Variants in FMO3 observed in about 807,000 individuals in gnomAD.
FMO3 encodes the protein flavin containing dimethylaniline monoxygenase 3.
A neutral mutation model predicts 39.4 loss-of-function variants in FMO3; 40 were observed. The ratio of observed to expected loss-of-function variants is 1.02; its 90% CI spans 0.79 to 1.32. The LOEUF (loss-of-function observed/expected upper bound fraction) is 1.32. FMO3 is among the 40% of genes most tolerant of loss of function. FMO3 has a pLI of 0.00. For missense variants in FMO3, 680 were observed against 651.8 expected, an observed-to-expected ratio of 1.04 and a Z score of -0.47; for synonymous variants, 219 against 228.8, an observed-to-expected ratio of 0.96 and a Z score of 0.39.
At chr1:171,104,263 T>C (rs1655541254) in intron 3 of FMO3, among the ~76,000 whole-genome samples, 2 of 152,172 alleles carry the variant, frequency 1.3e-5, no homozygotes, top group African/African-American at 2.4e-5. Flanking sequence ...AAACTCTTTT[T>C]ATCTAAATAA....
chr1:171,098,416 C>T (rs1655205212), intron 2 of FMO3, among the ~76,000 whole-genome samples: 1 of 152,286 alleles, frequency 6.6e-6, no homozygotes, highest in Admixed American at 6.5e-5. Context: ...TTCTTCCTAT[C>T]CATGAGCATG....
chr1:171,096,957 C>A (rs1463971341), intron 2 of FMO3, among the ~76,000 whole-genome samples: 2 of 150,376 alleles, frequency 1.3e-5, no homozygotes, highest in East Asian at 3.9e-4. Context: ...CGCCCCACAA[C>A]AGGCCCCAGT....
rs1557932869 is a variant in FMO3, at chr1:171,096,012, C to CATATTATATATTAATATATAATAT, written c.132+3234_132+3257dup. Among the ~76,000 whole-genome samples the CATATTATATATTAATATATAATAT allele has an allele frequency of 2.1e-4, 6 of 28,768 alleles. No homozygotes were observed. In the East Asian group the frequency reaches 2.7e-3, roughly 13 times the overall value. 18.9% of individuals were successfully genotyped at this position (28,768 alleles called of 152,430 possible). A position where few individuals can be genotyped will look rare whatever the true frequency, so the allele number is the denominator to read the frequency against. On this transcript the variant is annotated intron_variant, in intron 2 of 8. Transcript: ENST00000367755. ...TTATATATTTTTATATATTAATATA[C>CATATTATATATTAATATATAATAT]ATATTATATATTAATATATAATATA...
chr1:171,101,930 G>T, intron 2 of FMO3: 1 of 350,042 alleles, frequency 2.9e-6, no homozygotes, highest in Non-Finnish European at 5.6e-6. Flanking sequence ...ATTTTTTTCT[G>T]GACTATGTAT....
At chr1:171,096,101 ATAAT>A (rs1208716857) in intron 2 of FMO3, among the ~76,000 whole-genome samples, 26 of 47,490 alleles carry the variant, frequency 5.5e-4, no homozygotes, top group East Asian at 1.2e-3. Context: ...ATATTTTTAT[ATAAT>A]TAATTATTAT....
chr1:171,104,162 G>C (rs1655536648), intron 3 of FMO3, among the ~76,000 whole-genome samples, 189 bp downstream of exon 3: 1 of 152,002 alleles, frequency 6.6e-6, no homozygotes, highest in Non-Finnish European at 1.5e-5. Flanking sequence ...CACAAAATTT[G>C]ACCACCTACA....
intron 2 of FMO3, among the ~76,000 whole-genome samples, chr1:171,096,666 ATATATTTTATATTTAAAATATAAT>A (rs1389049045): frequency 3.3e-5 from 3 of 90,740 alleles, no homozygotes; most frequent in Non-Finnish European, 7.1e-5. Context: ...TATTTAAAAT[ATATATTTTATATTTAAAATATAAT>A]TAATATAATT....
intron 2 of FMO3, among the ~76,000 whole-genome samples, chr1:171,098,156 G>T (rs534957565): frequency 5.2e-4 from 79 of 152,242 alleles, no homozygotes; most frequent in African/African-American, 1.9e-3. Flanking sequence ...TTATATCTCT[G>T]TTTTGGTACC....
chr1:171,107,397 G>A (rs1655691212), intron 3 of FMO3, among the ~76,000 whole-genome samples: 1 of 152,122 alleles, frequency 6.6e-6, no homozygotes, highest in Middle Eastern at 3.2e-3. Flanking sequence ...TATATGTGAT[G>A]TGCACCTCTT....
intron 5 of FMO3, among the ~76,000 whole-genome samples, chr1:171,110,401 G>A (rs1655850966): frequency 2.0e-5 from 3 of 152,118 alleles, no homozygotes; most frequent in Admixed American, 6.6e-5. Context: ...TGACAGGGTG[G>A]CTGACCCTAA....
At chr1:171,111,245 T>TA (rs1655897233) in intron 6 of FMO3, among the ~76,000 whole-genome samples, 1 of 152,196 alleles carries the variant, frequency 6.6e-6, no homozygotes, top group South Asian at 2.1e-4. Flanking sequence ...AGTTAACCTC[T>TA]TTTAAGCATT....
intron 2 of FMO3, among the ~76,000 whole-genome samples, chr1:171,096,725 TAA>T (rs1197900478): frequency 7.2e-6 from 1 of 139,504 alleles, no homozygotes; most frequent in Non-Finnish European, 1.5e-5. Context: ...ATAATTATAT[TAA>T]AAATATATAT....
intron 2 of FMO3, among the ~76,000 whole-genome samples, chr1:171,096,036 T>TATATTATATATTAATAG: frequency 1.5e-5 from 1 of 65,798 alleles, no homozygotes; most frequent in Non-Finnish European, 2.4e-5. Context: ...ATATATAATA[T>TATATTATATATTAATAG]ATATTATATA....
rs1655736970 is a variant in FMO3 at position 171,108,177 on chromosome 1, T to C, written c.583T>C (p.Ser195Pro). ...KRVLVVGLGN[S>P]GCDIATELSR... ...TGTCCTGGTGGTTGGCCTGGGGAAT[T>C]CGGGCTGTGATATTGCCACAGAACT... Residue 195 changes from serine to proline, a missense_variant, in exon 5 of 9, where the codon TCG (serine) becomes CCG (proline). Physicochemically the swap from Ser to Pro is moderately conservative, Grantham distance 74. Coordinates refer to ENST00000367755, the MANE Select transcript of FMO3 (RefSeq NM_001002294.3). 1 of 1,613,766 alleles carries C rather than the reference T, an allele frequency of 6.2e-7. No homozygotes were observed. The highest frequency in any genetic ancestry group is 1.3e-5 in the African/African-American group (1 of 74,900).
intron 7 of FMO3, among the ~76,000 whole-genome samples, chr1:171,115,231 A>T (rs1268539591): frequency 6.6e-6 from 1 of 152,174 alleles, no homozygotes; most frequent in Non-Finnish European, 1.5e-5. Flanking sequence ...GAAACAAGGC[A>T]ATTTATGGGG....
At position 171,107,715 on chromosome 1, in the gene FMO3, C is replaced by A; in HGVS notation, c.362C>A (p.Thr121Asn). The A allele has an allele frequency of 1.9e-6, 3 of 1,613,128 alleles. No homozygotes were observed. Among genetic ancestry groups the A allele is most frequent in the Non-Finnish European group, 1.7e-6 (2 of 1,179,224 alleles). ...SSVNKHPDFATTGQWDVTTER... is the reference protein window; with the variant it reads ...SSVNKHPDFANTGQWDVTTER... ...GTAAATAAACATCCTGATTTTGCAA[C>A]TACTGGCCAGTGGGATGTTACCACT... The change falls in exon 4 of 9, where the codon ACT becomes AAT. Residue 121 changes from threonine (T) to asparagine (N), a missense_variant. Thr to Asn is a moderately conservative substitution (Grantham distance 65, BLOSUM62 0). Transcript: ENST00000367755.
At chr1:171,116,363 A>G (rs1571228762) in intron 8 of FMO3, 83 bp downstream of exon 8, 1 of 752,700 alleles carries the variant, frequency 1.3e-6, no homozygotes, top group East Asian at 2.5e-5. Context: ...TTTTAATCTT[A>G]AATTATCCTG....
At chr1:171,101,931 G>A (rs2101906191) in intron 2 of FMO3, 8 of 351,778 alleles carry the variant, frequency 2.3e-5, no homozygotes, top group South Asian at 1.7e-4. Context: ...TTTTTTTCTG[G>A]ACTATGTATC....
At chr1:171,104,438 G>A (rs1655548580) in intron 3 of FMO3, among the ~76,000 whole-genome samples, 1 of 151,002 alleles carries the variant, frequency 6.6e-6, no homozygotes, top group South Asian at 2.1e-4. Flanking sequence ...TTAAAAATAA[G>A]GTAAGAAAGT....
Sources: gnomAD v4.1 joint callset for allele counts (sites outside exome capture counted in the v4.1 genomes callset) on GRCh38, gnomAD v4.1.1 for gene constraint, MANE v1.5 for transcripts, NCBI Gene and HGNC (gene_info 2026-07-23, HGNC 2026-07-21) for gene names.